NRP1: variants seen among roughly 807,000 people sequenced by gnomAD.
The protein encoded by NRP1 is neuropilin-1.
Under a neutral mutation model 106.7 loss-of-function variants are expected in NRP1, and 35 were observed. The observed-to-expected ratio is 0.33, with a 90% CI of 0.25 to 0.43. The LOEUF is 0.43. Ranked by LOEUF, NRP1 falls within the 20% of genes least tolerant of loss-of-function variation. The pLI is 1.00. For synonymous variants in NRP1, 437 were observed against 417.9 expected, an observed-to-expected ratio of 1.05 and a Z score of -0.56; for missense variants, 1,024 against 1,170.4, an observed-to-expected ratio of 0.87 and a Z score of 1.83.
rs767999607 is a variant in NRP1, at chr10:33,226,176, G to A, written c.1095C>T (p.Asn365=). Reference sequence around the variant, plus strand: ...CTTTTATGGTGATCCAGTCTTCCCCGTTGGAGCTAACGTCGATCTTGTAAG... The same window carrying A: ...CTTTTATGGTGATCCAGTCTTCCCCATTGGAGCTAACGTCGATCTTGTAAG... The part of the protein sequence containing the change: ...VKTYKIDVSS[N]GEDWITIKEG... The change falls in exon 7 of 17, where the codon AAC becomes AAT. Residue 365 remains asparagine, a synonymous_variant. Coordinates refer to ENST00000374867, the MANE Select transcript of NRP1 (RefSeq NM_003873.7). The A allele has an allele frequency of 1.2e-5, 19 of 1,614,040 alleles. No individual in the cohort carries two copies. The highest frequency in any genetic ancestry group is 2.2e-5 in the South Asian group (2 of 91,078).
intron 6 of NRP1, among the ~76,000 whole-genome samples, chr10:33,241,114 C>T (rs146156321): frequency 0.013 from 2,007 of 152,200 alleles, 52 homozygotes; most frequent in African/African-American, 0.046. Context: ...TGGAACTGAG[C>T]AAAGGCCAGC....
At chr10:33,213,266 C>T (rs912578443) in intron 9 of NRP1, 120 bp downstream of exon 9, 1 of 1,611,652 alleles carries the variant, frequency 6.2e-7, no homozygotes. Flanking sequence ...CCCCATCACA[C>T]ACCTCCTCTA....
intron 2 of NRP1, among the ~76,000 whole-genome samples, chr10:33,319,855 G>C (rs887308555): frequency 6.6e-6 from 1 of 151,242 alleles, no homozygotes; most frequent in African/African-American, 2.4e-5. Context: ...CAAAGTGCTG[G>C]GATTGCAGGC....
At chr10:33,262,703 C>CA (rs3035285) in intron 4 of NRP1, among the ~76,000 whole-genome samples, 3,960 of 100,742 alleles carry the variant, frequency 0.039, 136 homozygotes, top group Non-Finnish European at 0.056. Flanking sequence ...AACTCTGTCT[C>CA]AAAAAAAAAA....
chr10:33,309,066 T>C (rs967225601), intron 2 of NRP1, among the ~76,000 whole-genome samples: 6 of 152,180 alleles, frequency 3.9e-5, no homozygotes, highest in African/African-American at 1.4e-4. Context: ...AAAAATTAAA[T>C]ATTTTCTAAA....
intron 13 of NRP1, among the ~76,000 whole-genome samples, chr10:33,190,051 G>A (rs1043830242): frequency 6.6e-6 from 1 of 152,168 alleles, no homozygotes; most frequent in African/African-American, 2.4e-5. Flanking sequence ...TGAAGGAATC[G>A]CACTTCTCAG....
At chr10:33,308,179 C>T (rs990756077) in intron 2 of NRP1, among the ~76,000 whole-genome samples, 14 of 151,652 alleles carry the variant, frequency 9.2e-5, no homozygotes, top group African/African-American at 2.9e-4. Flanking sequence ...TACATATGGG[C>T]GCAAAGAACA....
chr10:33,325,362 T>C (rs971395548), intron 2 of NRP1, among the ~76,000 whole-genome samples: 34 of 152,134 alleles, frequency 2.2e-4, no homozygotes, highest in East Asian at 1.9e-4. Context: ...TTAAGATAAA[T>C]AGTATTTTAA....
chr10:33,186,093 C>G, intron 14 of NRP1, 124 bp downstream of exon 14: 1 of 1,265,280 alleles, frequency 7.9e-7, no homozygotes. Context: ...AGCAATATCT[C>G]AGGGTTGGGA....
intron 15 of NRP1, among the ~76,000 whole-genome samples, chr10:33,184,125 C>T (rs1018271183): frequency 6.6e-6 from 1 of 152,182 alleles, no homozygotes; most frequent in African/African-American, 2.4e-5. Context: ...AATTCTCCTG[C>T]CTCAGCCTTC....
chr10:33,284,816 C>T (rs559033238), intron 2 of NRP1, among the ~76,000 whole-genome samples: 44 of 152,286 alleles, frequency 2.9e-4, no homozygotes, highest in East Asian at 9.6e-4. Flanking sequence ...ACCCAACATA[C>T]GCCAATCTCA....
chr10:33,195,250 C>A (rs536594809), intron 12 of NRP1, among the ~76,000 whole-genome samples: 41 of 152,176 alleles, frequency 2.7e-4, no homozygotes, highest in African/African-American at 9.9e-4. Context: ...TGCTCAGGCC[C>A]ATACAATCGT....
intron 2 of NRP1, among the ~76,000 whole-genome samples, chr10:33,317,992 G>C (rs895795855): frequency 1.3e-5 from 2 of 152,164 alleles, no homozygotes; most frequent in Non-Finnish European, 2.9e-5. Context: ...ACTTATTTAA[G>C]GAACCAAACC....
chr10:33,226,750 A>G (rs1284317185), intron 6 of NRP1, among the ~76,000 whole-genome samples: 1 of 152,210 alleles, frequency 6.6e-6, no homozygotes, highest in African/African-American at 2.4e-5. Flanking sequence ...GACATTCCTA[A>G]GTCTTTAGAC....
intron 6 of NRP1, among the ~76,000 whole-genome samples, chr10:33,236,991 C>T (rs1255918388): frequency 1.3e-5 from 2 of 151,210 alleles, no homozygotes; most frequent in Admixed American, 6.6e-5. Flanking sequence ...TTTTTTTTCA[C>T]ACTCCTGGTC....
rs1835502202 is a variant in NRP1 at position 33,178,598 on chromosome 10, T to C, written c.*1478A>G. The C allele has an allele frequency of 6.6e-6, 1 of 152,234 alleles. No individual in the cohort carries two copies. Among genetic ancestry groups the C allele is most frequent in the South Asian group, 2.1e-4 (1 of 4,834 alleles). The allele number at this position is 152,234 out of a possible 1,614,324, so 9.4% of individuals were successfully genotyped here. ...CTTCCTTCCACTTCCCTTGTGTGAC[T>C]CAGTAGCAAAATAAGAAAGTTCTCT... On this transcript the variant is annotated 3_prime_UTR_variant, in exon 17 of 17. Transcript: ENST00000374867.
At chr10:33,184,447 G>T (rs1477872308) in intron 15 of NRP1, among the ~76,000 whole-genome samples, 3 of 152,196 alleles carry the variant, frequency 2.0e-5, no homozygotes, top group African/African-American at 7.2e-5. Flanking sequence ...CTTTGTTTTA[G>T]TCTGTGGAGT....
chr10:33,243,692 T>C (rs1394053612), intron 6 of NRP1, among the ~76,000 whole-genome samples: 1 of 152,230 alleles, frequency 6.6e-6, no homozygotes, highest in African/African-American at 2.4e-5. Context: ...CCAAGTCACA[T>C]GCACAAGTGC....
intron 6 of NRP1, among the ~76,000 whole-genome samples, chr10:33,241,336 T>G (rs541001715): frequency 6.6e-6 from 1 of 152,190 alleles, no homozygotes; most frequent in South Asian, 2.1e-4. Context: ...ATTCTTTTCA[T>G]GTTCCAGGAA....
Sources: allele counts gnomAD v4.1 joint callset (sites outside exome capture counted in the v4.1 genomes callset), GRCh38; gene constraint gnomAD v4.1.1; transcripts MANE v1.5; gene names NCBI Gene and HGNC (gene_info 2026-07-23, HGNC 2026-07-21).